Variants in PTPRQ observed in about 807,000 individuals in gnomAD.
PTPRQ encodes protein tyrosine phosphatase receptor type Q.
In PTPRQ, 199 loss-of-function variants were observed where a neutral mutation model predicts 246.0. The ratio of observed to expected loss-of-function variants is 0.81; its 90% CI spans 0.72 to 0.91. The LOEUF is 0.91. PTPRQ is among the 40% of genes least tolerant of loss of function. The probability of loss-of-function intolerance (pLI) is 0.00; values close to 1 mark genes in which losing one functional copy is unlikely to be tolerated. For missense variants in PTPRQ, 2,624 were observed against 2,528.4 expected, an observed-to-expected ratio of 1.04 and a Z score of -0.81; for synonymous variants, 869 against 853.2, an observed-to-expected ratio of 1.02 and a Z score of -0.32.
chr12:80,645,586 G>GGATACA (rs1565838697), intron 35 of PTPRQ, among the ~76,000 whole-genome samples: 1 of 151,246 alleles, frequency 6.6e-6, no homozygotes, highest in East Asian at 1.9e-4. Context: ...AAGTATATAT[G>GGATACA]AGCCCAAACA....
At chr12:80,523,173 C>G (rs1399613670) in intron 17 of PTPRQ, among the ~76,000 whole-genome samples, 2 of 152,028 alleles carry the variant, frequency 1.3e-5, no homozygotes, top group African/African-American at 2.4e-5. Flanking sequence ...AGTGTTCTCT[C>G]ATGGTAGTTT....
At chr12:80,606,543 G>A (rs977826423) in intron 27 of PTPRQ, among the ~76,000 whole-genome samples, 3 of 150,888 alleles carry the variant, frequency 2.0e-5, no homozygotes, top group African/African-American at 7.3e-5. Flanking sequence ...CCCTGCTTGG[G>A]TTTTGCTGGG....
At position 80,472,252 on chromosome 12, in the gene PTPRQ, G is replaced by C. The variant is rs753703537; in HGVS notation, c.1186+1G>C. On this transcript the variant is annotated splice_donor_variant, in intron 8 of 44. Coordinates refer to ENST00000644991, the MANE Select transcript of PTPRQ (RefSeq NM_001145026.2). LOFTEE classifies it high-confidence loss of function. The stretch of plus-strand genomic sequence containing the variant: ...ATTTCAGTATTCACTCCACCAGATG[G>C]TAAGAACATAGGGAATGAGTGAGAT... 4 of 1,551,358 alleles carry C rather than the reference G, an allele frequency of 2.6e-6. No homozygotes were observed. In the South Asian group the frequency reaches 4.8e-5, roughly 18 times the overall value.
At chr12:80,455,017 C>G (rs1039904800) in intron 3 of PTPRQ, among the ~76,000 whole-genome samples, 1 of 152,090 alleles carries the variant, frequency 6.6e-6, no homozygotes, top group Non-Finnish European at 1.5e-5. Flanking sequence ...ACTCAAAATA[C>G]AAGAAATTAG....
chr12:80,527,050 C>A (rs765809176), intron 17 of PTPRQ, among the ~76,000 whole-genome samples: 1 of 152,088 alleles, frequency 6.6e-6, no homozygotes, highest in East Asian at 1.9e-4. Context: ...AAGCACTTTG[C>A]ATCACCTTAG....
chr12:80,599,523 T>C (rs1358878383), intron 26 of PTPRQ, among the ~76,000 whole-genome samples: 1 of 151,876 alleles, frequency 6.6e-6, no homozygotes, highest in African/African-American at 2.4e-5. Flanking sequence ...TCAGCTCCAT[T>C]TATTTTTGTA....
chr12:80,631,418 A>AT (rs952301445), intron 33 of PTPRQ, among the ~76,000 whole-genome samples: 1 of 152,124 alleles, frequency 6.6e-6, no homozygotes, highest in Non-Finnish European at 1.5e-5. Flanking sequence ...AAATAATCTT[A>AT]TTTTTTATTT....
At position 80,454,590 on chromosome 12, in the gene PTPRQ, T is replaced by C. The variant is rs1347820709; in HGVS notation, c.391-2985T>C. ...TTAAACTTTTCTCCGTTTAGGATTA[T>C]GTTGGCTGTGGTTTGTCATATATAG... On this transcript the variant is annotated intron_variant, in intron 3 of 44. Transcript: ENST00000644991. The C allele has an allele frequency of 7.1e-6, 5 of 701,926 alleles. No individual in the cohort carries two copies. The African/African-American group carries it at 8.7e-5, about 12-fold the overall frequency. The allele number at this position is 701,926 out of a possible 1,614,324, so 43.5% of individuals were successfully genotyped here. A position where few individuals can be genotyped will look rare whatever the true frequency, so the allele number is the denominator to read the frequency against.
intron 8 of PTPRQ, among the ~76,000 whole-genome samples, chr12:80,472,902 G>T (rs1432030987): frequency 6.6e-6 from 1 of 152,102 alleles, no homozygotes; most frequent in Non-Finnish European, 1.5e-5. Context: ...TTTAGGGATT[G>T]TAATTATGGA....
intron 25 of PTPRQ, among the ~76,000 whole-genome samples, chr12:80,583,043 C>G (rs1455039951): frequency 6.6e-6 from 1 of 152,132 alleles, no homozygotes; most frequent in African/African-American, 2.4e-5. Flanking sequence ...TAAGTGTTTT[C>G]AATGTGTGAC....
chr12:80,448,745 G>A (rs567604733), intron 3 of PTPRQ, among the ~76,000 whole-genome samples: 6,007 of 148,452 alleles, frequency 0.04, 439 homozygotes, highest in African/African-American at 0.15. Context: ...TGGTGTATAT[G>A]TGCCACTTTT....
chr12:80,488,626 G>T (rs1219916788), intron 9 of PTPRQ, among the ~76,000 whole-genome samples: 2 of 151,746 alleles, frequency 1.3e-5, no homozygotes, highest in Non-Finnish European at 2.9e-5. Flanking sequence ...AGGTAGGGAG[G>T]GTATAAACAG....
intron 33 of PTPRQ, among the ~76,000 whole-genome samples, chr12:80,628,019 TA>T (rs978794208): frequency 2.0e-5 from 3 of 151,970 alleles, no homozygotes; most frequent in East Asian, 3.9e-4. Context: ...TAATCTAATC[TA>T]AAAAAAATTT....
At chr12:80,449,403 T>C (rs894876767) in intron 3 of PTPRQ, among the ~76,000 whole-genome samples, 1 of 152,112 alleles carries the variant, frequency 6.6e-6, no homozygotes, top group Non-Finnish European at 1.5e-5. Context: ...GTCAATTTTG[T>C]CTTTTGTTGC....
intron 8 of PTPRQ, among the ~76,000 whole-genome samples, chr12:80,476,474 C>T (rs1027523335): frequency 4.6e-5 from 7 of 152,124 alleles, no homozygotes; most frequent in Non-Finnish European, 8.8e-5. Context: ...AATGGCCCAA[C>T]GATTGTCACA....
chr12:80,637,662 T>C (rs372930903), intron 35 of PTPRQ, among the ~76,000 whole-genome samples: 10 of 152,322 alleles, frequency 6.6e-5, no homozygotes, highest in African/African-American at 2.2e-4. Context: ...TGTGTCCAGC[T>C]TTACTATTTA....
chr12:80,486,029 G>C (rs77007035), intron 9 of PTPRQ, among the ~76,000 whole-genome samples: 2,862 of 152,228 alleles, frequency 0.019, 91 homozygotes, highest in African/African-American at 0.066. Flanking sequence ...CTGTAAACCA[G>C]GTTTAAACTC....
chr12:80,640,047 TG>T (rs1899799495), intron 35 of PTPRQ, among the ~76,000 whole-genome samples: 1 of 150,796 alleles, frequency 6.6e-6, no homozygotes, highest in African/African-American at 2.4e-5. Context: ...TGTGTGTGTG[TG>T]TGTGTGTGTG....
intron 35 of PTPRQ, among the ~76,000 whole-genome samples, chr12:80,644,808 AC>A (rs1308615239): frequency 6.6e-6 from 1 of 152,038 alleles, no homozygotes; most frequent in East Asian, 1.9e-4. Context: ...TGTAGCCAAC[AC>A]CTAAGGGAGA....
Sources: allele counts gnomAD v4.1 joint callset (sites outside exome capture counted in the v4.1 genomes callset), GRCh38; gene constraint gnomAD v4.1.1; transcripts MANE v1.5; gene names NCBI Gene and HGNC (gene_info 2026-07-23, HGNC 2026-07-21).